The following TBXAS1 variants were observed in gnomAD, a reference collection of about 807,000 sequenced individuals.
TBXAS1 encodes the protein thromboxane-A synthase.
In TBXAS1, 48 loss-of-function variants were observed where a neutral mutation model predicts 60.7. The observed-to-expected ratio is 0.79, with a 90% CI of 0.63 to 1.01. The LOEUF is 1.01. Ranked by LOEUF, TBXAS1 falls within the 50% of genes least tolerant of loss-of-function variation. TBXAS1 has a pLI of 0.00. For synonymous variants in TBXAS1, 287 were observed against 269.7 expected (o/e 1.06, Z -0.63); for missense variants, 685 against 686.3 (o/e 1.00, Z 0.02).
At chr7:139,806,395 T>C (rs888945368) in intron 4 of TBXAS1, among the ~76,000 whole-genome samples, 1 of 151,934 alleles carries the variant, frequency 6.6e-6, no homozygotes, top group Non-Finnish European at 1.5e-5. Context: ...CTCGAGTAAC[T>C]GGGATTACAG....
At chr7:139,876,395 A>T (rs182316910) in intron 3 of TBXAS1, among the ~76,000 whole-genome samples, 6 of 152,298 alleles carry the variant, frequency 3.9e-5, no homozygotes, top group Non-Finnish European at 7.3e-5. Flanking sequence ...TTCCACACTG[A>T]AGTCCTAATC....
In TBXAS1 at chr7:139,905,057, T is replaced by TTCTC. The variant is rs796683953; in HGVS notation, c.237-6152_237-6149dup. 1.8e-3 allele frequency among the ~76,000 whole-genome samples: 197 copies of TTCTC among 107,480 alleles called. 1 individual carries two copies. Among genetic ancestry groups the TTCTC allele is most frequent in the Non-Finnish European group, 2.8e-3 (151 of 54,680 alleles). 70.5% of individuals were successfully genotyped at this position (107,480 alleles called of 152,430 possible). On this transcript the variant is annotated intron_variant, in intron 3 of 12. Transcript: ENST00000448866. ...TTTCTTTCTTTCTTTCTTTCTTTCT[T>TTCTC]TCTCTCTCTCTCTCTCTCTTTCTCT...
intron 3 of TBXAS1, among the ~76,000 whole-genome samples, chr7:139,885,317 G>T (rs563769841): frequency 4.6e-5 from 7 of 152,284 alleles, no homozygotes; most frequent in Admixed American, 3.3e-4. Context: ...TTGCATAAAA[G>T]CTCTATTTTG....
At chr7:139,993,501 C>T (rs1485950878) in intron 9 of TBXAS1, among the ~76,000 whole-genome samples, 1 of 152,236 alleles carries the variant, frequency 6.6e-6, no homozygotes, top group Non-Finnish European at 1.5e-5. Context: ...TCATCTCCTG[C>T]TGACCCTGCG....
intron 1 of TBXAS1, among the ~76,000 whole-genome samples, chr7:139,833,081 C>A (rs993268030): frequency 9.9e-5 from 15 of 151,518 alleles, no homozygotes; most frequent in East Asian, 5.8e-4. Context: ...ACAACAACAA[C>A]AAAAAAAACC....
intron 5 of TBXAS1, among the ~76,000 whole-genome samples, chr7:139,941,143 AG>A (rs1200373639): frequency 6.6e-6 from 1 of 152,224 alleles, no homozygotes; most frequent in African/African-American, 2.4e-5. Flanking sequence ...CAGCATCTCT[AG>A]TCCTTTCTGA....
rs988917713 is a variant in TBXAS1, at chr7:139,852,935, T to C, written c.90-19300T>C. Among the ~76,000 whole-genome samples the C allele has an allele frequency of 5.1e-4, 65 of 127,410 alleles. No individual in the cohort carries two copies. The highest frequency in any genetic ancestry group is 8.1e-4 in the Non-Finnish European group (48 of 58,980). The allele number at this position is 127,410 out of a possible 152,430, so 83.6% of individuals were successfully genotyped here. ...TGTGTACCAACCTTGGCTACTCCAATACACACACACACACACACACACACA... is the reference window on the plus strand; with the variant it reads ...TGTGTACCAACCTTGGCTACTCCAACACACACACACACACACACACACACA... On this transcript the variant is annotated intron_variant, in intron 1 of 12. Transcript: ENST00000448866. The surrounding 1 kb of genome is among the most constrained non-coding windows in gnomAD (Gnocchi z 4.4).
chr7:139,952,452 T>A, intron 5 of TBXAS1: 1 of 1,364,746 alleles, frequency 7.3e-7, no homozygotes, highest in Non-Finnish European at 9.7e-7. Context: ...ATGTCTTTCA[T>A]GAGAAATGCT....
chr7:139,858,722 ATTATGT>A (rs1800755606), intron 1 of TBXAS1, among the ~76,000 whole-genome samples: 1 of 152,108 alleles, frequency 6.6e-6, no homozygotes, highest in Non-Finnish European at 1.5e-5. Flanking sequence ...CCACATTTTG[ATTATGT>A]CTTCCTCGGA....
intron 4 of TBXAS1, among the ~76,000 whole-genome samples, chr7:139,798,081 T>A (rs1569491317): frequency 2.6e-5 from 4 of 152,162 alleles, no homozygotes; most frequent in African/African-American, 9.7e-5. Flanking sequence ...TTTTTATTTT[T>A]ATTTTTTTTA....
chr7:139,862,080 C>A (rs1801011613), intron 1 of TBXAS1, among the ~76,000 whole-genome samples: 1 of 152,186 alleles, frequency 6.6e-6, no homozygotes, highest in African/African-American at 2.4e-5. Context: ...TGGGAGACAA[C>A]AGATTTAGTG....
At chr7:140,019,934 C>T (rs1569525770) in intron 12 of TBXAS1, 91 bp from the exon 13 acceptor site, 33 of 1,251,136 alleles carry the variant, frequency 2.6e-5, no homozygotes, top group Non-Finnish European at 2.8e-5. Flanking sequence ...CCTTGGACAA[C>T]GGACTTGGCC....
intron 11 of TBXAS1, chr7:140,016,313 G>C: frequency 4.5e-6 from 1 of 223,976 alleles, no homozygotes; most frequent in South Asian, 6.4e-5. Flanking sequence ...GGGTGACAGA[G>C]CAAGACTCTG....
intron 4 of TBXAS1, among the ~76,000 whole-genome samples, chr7:139,933,588 G>GA (rs1304872084): frequency 6.6e-6 from 1 of 152,056 alleles, no homozygotes; most frequent in African/African-American, 2.4e-5. Flanking sequence ...TTCCTCTGCA[G>GA]AAAAAAATAT....
upstream of TBXAS1, among the ~76,000 whole-genome samples, chr7:139,826,429 ATT>A (rs890985392): frequency 2.0e-5 from 3 of 152,078 alleles, no homozygotes; most frequent in Non-Finnish European, 4.4e-5. Flanking sequence ...CAGAGGAATA[ATT>A]TTCATAATAC....
At chr7:140,017,951 G>C in intron 12 of TBXAS1, 118 bp downstream of exon 12, 1 of 1,411,154 alleles carries the variant, frequency 7.1e-7, no homozygotes, top group Non-Finnish European at 9.9e-7. Context: ...CGTGAGCTTG[G>C]GCAAGCTCCT....
chr7:139,845,133 C>T (rs1455233333), intron 1 of TBXAS1, among the ~76,000 whole-genome samples: 1 of 152,174 alleles, frequency 6.6e-6, no homozygotes, highest in Non-Finnish European at 1.5e-5. Flanking sequence ...AAAATCACTC[C>T]TTGGCTGGAA....
intron 9 of TBXAS1, among the ~76,000 whole-genome samples, chr7:139,993,069 C>T (rs906602793): frequency 6.6e-6 from 1 of 152,144 alleles, no homozygotes. Flanking sequence ...TGGTAGCGCA[C>T]ACCTGTAGTC....
chr7:139,839,693 AAAC>A (rs1455334164), intron 1 of TBXAS1, among the ~76,000 whole-genome samples: 58 of 151,274 alleles, frequency 3.8e-4, no homozygotes, highest in African/African-American at 1.3e-3. Context: ...AAAAAAAAAA[AAAC>A]AAATCAAAAA....
Sources: allele counts gnomAD v4.1 joint callset (sites outside exome capture counted in the v4.1 genomes callset), GRCh38; gene constraint gnomAD v4.1.1; non-coding constraint Gnocchi (gnomAD v3.1); transcripts MANE v1.5; gene names NCBI Gene and HGNC (gene_info 2026-07-23, HGNC 2026-07-21).